The following TRMT10B variants were observed in gnomAD, a reference collection of about 807,000 sequenced individuals.
TRMT10B encodes the protein tRNA methyltransferase 10 homolog B.
A neutral mutation model predicts 43.8 loss-of-function variants in TRMT10B; 33 were observed. That is an observed-to-expected ratio of 0.75 (90% CI 0.57 to 1.01). TRMT10B has a LOEUF of 1.01. Ranked by LOEUF, TRMT10B falls within the 50% of genes least tolerant of loss-of-function variation. The pLI is 0.00. For missense variants in TRMT10B, 362 were observed against 369.8 expected, an observed-to-expected ratio of 0.98 and a Z score of 0.17; for synonymous variants, 137 against 130.6, an observed-to-expected ratio of 1.05 and a Z score of -0.34.
upstream of TRMT10B, among the ~76,000 whole-genome samples, chr9:37,753,626 G>C (rs1056418180): frequency 2.6e-5 from 4 of 152,216 alleles, no homozygotes; most frequent in African/African-American, 7.2e-5. Flanking sequence ...GGAGACAGGG[G>C]TTCAGAGAAG....
intron 1 of TRMT10B, among the ~76,000 whole-genome samples, chr9:37,756,378 C>G (rs1427720218): frequency 1.3e-5 from 2 of 151,162 alleles, no homozygotes; most frequent in African/African-American, 2.4e-5. Context: ...TCTAAAAGAA[C>G]TGTCATAATG....
upstream of TRMT10B, chr9:37,753,669 T>C (rs1159616656): frequency 1.3e-5 from 2 of 152,190 alleles, no homozygotes; most frequent in African/African-American, 2.4e-5. Flanking sequence ...CGCAGCTCCC[T>C]ACCGCCAGGG....
intron 8 of TRMT10B, among the ~76,000 whole-genome samples, chr9:37,776,836 T>C (rs961497061): frequency 6.8e-6 from 1 of 148,010 alleles, no homozygotes; most frequent in Non-Finnish European, 1.5e-5. Context: ...GAAGTGGAGG[T>C]TGCAGTGAGC....
intron 4 of TRMT10B, 76 bp downstream of exon 4, chr9:37,763,829 T>C (rs779882731): frequency 5.0e-6 from 8 of 1,610,088 alleles, no homozygotes; most frequent in Non-Finnish European, 6.8e-6. Context: ...CCGAAGAATA[T>C]GGTCAACTCC....
chr9:37,776,132 A>T (rs917605130), intron 7 of TRMT10B, 150 bp from the exon 8 acceptor site: 2 of 659,102 alleles, frequency 3.0e-6, no homozygotes, highest in African/African-American at 3.8e-5. Flanking sequence ...AAAAAGTAAG[A>T]TATTGTCACA....
intron 1 of TRMT10B, among the ~76,000 whole-genome samples, chr9:37,761,287 CTCAAA>C (rs887414930): frequency 8.5e-5 from 13 of 152,184 alleles, no homozygotes; most frequent in African/African-American, 2.9e-4. Flanking sequence ...CTGTCTTACC[CTCAAA>C]TCATATCATG....
At chr9:37,756,757 T>C (rs1324272678) in intron 1 of TRMT10B, among the ~76,000 whole-genome samples, 2 of 151,788 alleles carry the variant, frequency 1.3e-5, no homozygotes, top group African/African-American at 4.8e-5. Flanking sequence ...CACACACATA[T>C]ATATATACAC....
rs1406394209 is a variant in TRMT10B, at chr9:37,769,311, A to T, written c.574-630A>T. Among the ~76,000 whole-genome samples, 494 of 78,034 alleles carry T rather than the reference A, an allele frequency of 6.3e-3. 3 individuals are homozygous for T. The highest frequency in any genetic ancestry group is 0.019 in the African/African-American group (467 of 25,188). The allele number at this position is 78,034 out of a possible 152,430, so 51.2% of individuals were successfully genotyped here. ...TGACAGAGCCAGACCCTGTCTTTAA[A>T]AAAAAAAAAAAAAAAAAAAAAAAAA... On this transcript the variant is annotated intron_variant, in intron 5 of 8. Coordinates refer to ENST00000297994, the MANE Select transcript of TRMT10B (RefSeq NM_144964.4).
intron 6 of TRMT10B, 152 bp downstream of exon 6, chr9:37,770,171 G>A (rs1827412029): frequency 6.8e-6 from 5 of 730,966 alleles, no homozygotes; most frequent in South Asian, 6.2e-5. Flanking sequence ...TTACAGGCAG[G>A]GGCCTCACTG....
intron 8 of TRMT10B, among the ~76,000 whole-genome samples, chr9:37,776,715 C>A (rs1174492748): frequency 1.3e-5 from 2 of 152,042 alleles, no homozygotes; most frequent in Non-Finnish European, 2.9e-5. Context: ...GCCTGGCCAA[C>A]ATGGTGAAAC....
intron 1 of TRMT10B, among the ~76,000 whole-genome samples, chr9:37,758,888 A>G (rs962272233): frequency 1.3e-5 from 2 of 152,200 alleles, no homozygotes; most frequent in Admixed American, 6.5e-5. Flanking sequence ...GAGCCCATAC[A>G]GAGTACGTCT....
At chr9:37,765,367 T>C (rs1381072760) in intron 4 of TRMT10B, among the ~76,000 whole-genome samples, 1 of 152,178 alleles carries the variant, frequency 6.6e-6, no homozygotes. Flanking sequence ...TTTGTCCTTG[T>C]GATAGTTTGC....
Position 37,763,681 on chromosome 9 carries a change from A to C in TRMT10B, c.348A>C (p.Lys116Asn). The C allele has an allele frequency of 6.2e-7, 1 of 1,614,146 alleles. No homozygotes were observed. The highest frequency in any genetic ancestry group is 1.3e-5 in the African/African-American group (1 of 75,036). The change falls in exon 4 of 9, where the codon AAA (lysine) becomes AAC (asparagine). Residue 116 changes from lysine (K) to asparagine (N), a missense_variant. Physicochemically the swap from Lys to Asn is moderately conservative, Grantham distance 94. Coordinates refer to ENST00000297994, the MANE Select transcript of TRMT10B (RefSeq NM_144964.4). Reference sequence around the variant, plus strand: ...TCCTGAGAGCTCTAACCAAAGACAAACTTTTGGAAGCCAAACACTCAGGAC... The same window carrying C: ...TCCTGAGAGCTCTAACCAAAGACAACCTTTTGGAAGCCAAACACTCAGGAC... Reference protein sequence around the residue: ...KRFLRALTKDKLLEAKHSGPR... With the variant: ...KRFLRALTKDNLLEAKHSGPR...
chr9:37,760,836 A>G (rs1280992477), intron 1 of TRMT10B, among the ~76,000 whole-genome samples: 2 of 152,232 alleles, frequency 1.3e-5, no homozygotes, highest in East Asian at 3.8e-4. Context: ...CCGGAGGACC[A>G]GCCATAGGTA....
In TRMT10B at chr9:37,763,656, T is replaced by A; in HGVS notation, c.323T>A (p.Phe108Tyr). 1 of 1,614,180 alleles carries A rather than the reference T, an allele frequency of 6.2e-7. No homozygotes were observed. The highest frequency in any genetic ancestry group is 8.5e-7 in the Non-Finnish European group (1 of 1,180,020). The change falls in exon 4 of 9, where the codon TTC becomes TAC. Residue 108 changes from phenylalanine to tyrosine, a missense_variant. By Grantham distance (22) the Phe-to-Tyr change is conservative (BLOSUM62 3). Coordinates refer to ENST00000297994, the MANE Select transcript of TRMT10B (RefSeq NM_144964.4). ...ATTTGCCCCCAGCACAGCAAACGTT[T>A]CCTGAGAGCTCTAACCAAAGACAAA... ...PGICPQHSKRFLRALTKDKLL... is the reference protein window; with the variant it reads ...PGICPQHSKRYLRALTKDKLL...
Position 37,778,070 on chromosome 9 carries a change from A to AAGAGCAG in TRMT10B, c.*364_*370dup, listed in dbSNP as rs1218953681. The AAGAGCAG allele has an allele frequency of 5.0e-6, 1 of 199,616 alleles. No homozygotes were observed. The highest frequency in any genetic ancestry group is 1.4e-4 in the East Asian group (1 of 7,060). The allele number at this position is 199,616 out of a possible 1,614,324, so 12.4% of individuals were successfully genotyped here. A position where few individuals can be genotyped will look rare whatever the true frequency, so the allele number is the denominator to read the frequency against. On this transcript the variant is annotated 3_prime_UTR_variant, in exon 9 of 9. Coordinates refer to ENST00000297994, the MANE Select transcript of TRMT10B (RefSeq NM_144964.4). ...AGGCGCTTGGAGGTACCTTGACCCA[A>AAGAGCAG]AGAGCAGGGCAGAGGGTGGCAGTGG... is the stretch of plus-strand genomic sequence containing the variant.
intron 5 of TRMT10B, among the ~76,000 whole-genome samples, chr9:37,769,133 C>A (rs1369248178): frequency 6.6e-6 from 1 of 151,602 alleles, no homozygotes. Flanking sequence ...TATGGTGAAA[C>A]CCCGTCCCTA....
intron 4 of TRMT10B, 69 bp from the exon 5 acceptor site, chr9:37,768,007 C>G: frequency 6.4e-7 from 1 of 1,572,634 alleles, no homozygotes; most frequent in Non-Finnish European, 8.7e-7. Context: ...TTATTGTAGC[C>G]ATTTCTTGAT....
intron 4 of TRMT10B, chr9:37,767,512 C>CTAAAAAAAAAAAAAAAA (rs1376563452): frequency 1.6e-5 from 1 of 60,864 alleles, no homozygotes; most frequent in Non-Finnish European, 2.8e-5. Flanking sequence ...GACCCTGTCT[C>CTAAAAAAAAAAAAAAAA]CAAAAAAAAA....
Sources: gnomAD v4.1 joint callset for allele counts (sites outside exome capture counted in the v4.1 genomes callset) on GRCh38, gnomAD v4.1.1 for gene constraint, MANE v1.5 for transcripts, NCBI Gene and HGNC (gene_info 2026-07-23, HGNC 2026-07-21) for gene names.